Variants in MBTPS2 observed in about 807,000 individuals in gnomAD.
MBTPS2 encodes membrane-bound transcription factor site-2 protease.
In MBTPS2, 2 loss-of-function variants were observed where a neutral mutation model predicts 35.4. The ratio of observed to expected loss-of-function variants is 0.06; its 90% confidence interval spans 0.02 to 0.18. The LOEUF is 0.18. Ranked by LOEUF, MBTPS2 falls within the 10% of genes least tolerant of loss-of-function variation. MBTPS2 has a pLI of 1.00. For synonymous variants in MBTPS2, 125 were observed against 140.4 expected (o/e 0.89, Z 0.77); for missense variants, 244 against 386.5 (o/e 0.63, Z 3.09).
chrX:21,868,325 A>G, intron 5 of MBTPS2, 142 bp from the exon 6 acceptor site: 1 of 552,612 alleles, frequency 1.8e-6, no homozygotes, highest in Non-Finnish European at 3.3e-6. Flanking sequence ...TGTCTGCTCT[A>G]CTAATAAGTA....
intron 5 of MBTPS2, among the ~76,000 whole-genome samples, chrX:21,859,961 G>A (rs1021692885): frequency 3.6e-5 from 4 of 110,313 alleles, no homozygotes; most frequent in African/African-American, 1.3e-4. Flanking sequence ...AGTGTGGGGC[G>A]CACACCTGTG....
At position 21,884,616 on chromosome X, in the gene MBTPS2, A is replaced by G. The variant is rs1335507745; in HGVS notation, c.*1961A>G. On this transcript the variant is annotated 3_prime_UTR_variant, in exon 11 of 11. Transcript: ENST00000379484. Reference sequence around the variant, plus strand: ...GAAAGAGCAGATCAGTACCATTTGTATAAAACCGGCCTCATTATGTAAGAA... The same window carrying G: ...GAAAGAGCAGATCAGTACCATTTGTGTAAAACCGGCCTCATTATGTAAGAA... 1 of 752,696 alleles carries G rather than the reference A, an allele frequency of 1.3e-6. No homozygotes were observed. The highest frequency in any genetic ancestry group is 1.6e-6 in the Non-Finnish European group (1 of 639,085). The allele number at this position is 752,696 out of a possible 1,213,427, so 62.0% of individuals were successfully genotyped here. A position where few individuals can be genotyped will look rare whatever the true frequency, so the allele number is the denominator to read the frequency against.
chrX:21,862,909 A>T (rs768410409), intron 5 of MBTPS2, among the ~76,000 whole-genome samples: 2 of 54,208 alleles, frequency 3.7e-5, no homozygotes, highest in South Asian at 1.3e-3. Context: ...AACATATATA[A>T]ATATATAAAC....
At position 21,885,320 on chromosome X, in the gene MBTPS2, C is replaced by T. The variant is rs1314961164; in HGVS notation, c.*2665C>T. ...GTGTTTTTTTCTATAAATCTTCTGA[C>T]TGTCCTGTAATTCATTCTTAAGCTT... On this transcript the variant is annotated 3_prime_UTR_variant, in exon 11 of 11. Coordinates refer to ENST00000379484, the MANE Select transcript of MBTPS2 (RefSeq NM_015884.4). 1.3e-6 allele frequency: 1 copy of T among 748,486 alleles called. No individual in the cohort carries two copies. The highest frequency in any genetic ancestry group is 1.5e-4 in the East Asian group (1 of 6,602). 61.7% of individuals were successfully genotyped at this position (748,486 alleles called of 1,213,427 possible).
intron 3 of MBTPS2, among the ~76,000 whole-genome samples, chrX:21,850,345 G>A (rs1475368467): frequency 9.0e-6 from 1 of 111,556 alleles, no homozygotes; most frequent in Non-Finnish European, 1.9e-5. Flanking sequence ...TTAAAATTAT[G>A]TGTACAGGAA....
At chrX:21,861,581 T>C (rs1192930028) in intron 5 of MBTPS2, among the ~76,000 whole-genome samples, 1 of 110,724 alleles carries the variant, frequency 9.0e-6, no homozygotes, top group East Asian at 2.8e-4. Context: ...GGCTCACACC[T>C]GTAATCCCAA....
At chrX:21,856,920 A>G (rs781700906) in intron 5 of MBTPS2, 2 of 1,212,086 alleles carry the variant, frequency 1.7e-6, no homozygotes, top group Admixed American at 4.3e-5. Context: ...CAAAAAGCCC[A>G]GCGGCAAGAG....
At chrX:21,857,617 C>T (rs1377100860) in intron 5 of MBTPS2, 2 of 1,183,160 alleles carry the variant, frequency 1.7e-6, no homozygotes, top group African/African-American at 1.8e-5. Flanking sequence ...GGAGAAGACC[C>T]CTCTCAGACT....
At chrX:21,852,742 G>C (rs1043833037) in intron 4 of MBTPS2, among the ~76,000 whole-genome samples, 1 of 109,007 alleles carries the variant, frequency 9.2e-6, no homozygotes, top group Admixed American at 9.8e-5. Context: ...GGGGCTGTTT[G>C]GTTTTATGAG....
chrX:21,860,839 T>A (rs1450480691), intron 5 of MBTPS2, among the ~76,000 whole-genome samples: 1 of 112,173 alleles, frequency 8.9e-6, no homozygotes, highest in East Asian at 2.8e-4. Flanking sequence ...AAATTTTGTT[T>A]TAATTTTGTT....
At chrX:21,847,060 A>T (rs1215240913) in intron 3 of MBTPS2, among the ~76,000 whole-genome samples, 1 of 111,810 alleles carries the variant, frequency 8.9e-6, no homozygotes, top group Non-Finnish European at 1.9e-5. Context: ...GAGAAGGAAA[A>T]GTTTAGGATG....
chrX:21,876,732 C>A (rs765040028), intron 7 of MBTPS2, among the ~76,000 whole-genome samples: 70 of 111,375 alleles, frequency 6.3e-4, no homozygotes, highest in Middle Eastern at 4.6e-3. Flanking sequence ...AGATGTCTTC[C>A]TCAAACAATA....
At chrX:21,868,432 G>C (rs1357685817) in intron 5 of MBTPS2, 35 bp from the exon 6 acceptor site, 8 of 893,149 alleles carry the variant, frequency 9.0e-6, no homozygotes, top group Non-Finnish European at 1.2e-5. Context: ...TCCTGCCCCC[G>C]GTTGAGCTTA....
intron 7 of MBTPS2, among the ~76,000 whole-genome samples, chrX:21,875,711 T>C (rs1264895286): frequency 8.9e-6 from 1 of 112,122 alleles, no homozygotes; most frequent in African/African-American, 3.2e-5. Flanking sequence ...GAGCTCAAAG[T>C]TGAGTCAGAA....
intron 5 of MBTPS2, chrX:21,856,299 C>T (rs1299153027): frequency 4.3e-5 from 16 of 374,586 alleles, no homozygotes; most frequent in Non-Finnish European, 9.1e-6. Flanking sequence ...CTCTGCAGCT[C>T]GCGCCTTTCT....
At position 21,858,888 on chromosome X, in the gene MBTPS2, CAA is replaced by C. The variant is rs5901684; in HGVS notation, c.670+5402_670+5403del. Among the ~76,000 whole-genome samples the C allele has an allele frequency of 4.7e-3, 293 of 61,880 alleles. 2 individuals carry two copies. Among genetic ancestry groups the C allele is most frequent in the Middle Eastern group, 0.018 (2 of 109 alleles). The allele number at this position is 61,880 out of a possible 115,157, so 53.7% of individuals were successfully genotyped here. On this transcript the variant is annotated intron_variant, in intron 5 of 10. Coordinates refer to ENST00000379484, the MANE Select transcript of MBTPS2 (RefSeq NM_015884.4). ...TAGGTGACAGAGTAAGACCTTGTGTCAAAAAAAAAAAAAAAAAAGAGAAAAAG... is the reference window on the plus strand; with the variant it reads ...TAGGTGACAGAGTAAGACCTTGTGTCAAAAAAAAAAAAAAAAGAGAAAAAG...
chrX:21,875,319 G>A (rs896470878), intron 7 of MBTPS2, among the ~76,000 whole-genome samples: 1 of 112,066 alleles, frequency 8.9e-6, no homozygotes, highest in African/African-American at 3.2e-5. Context: ...GGGACAAAAT[G>A]GAAGATCTGT....
Position 21,843,458 on chromosome X carries a change from T to C in MBTPS2, c.224+140T>C, listed in dbSNP as rs189485847. On this transcript the variant is annotated intron_variant, in intron 2 of 10. Coordinates refer to ENST00000379484, the MANE Select transcript of MBTPS2 (RefSeq NM_015884.4). ...ACAATATTAAAACTTTCTGGTTTTA[T>C]ATAACCTTATGGGATTGTATCATTG... is the stretch of plus-strand genomic sequence containing the variant. The C allele has an allele frequency of 1.1e-4, 68 of 624,025 alleles. 1 individual carries two copies. In the Admixed American group the frequency reaches 1.8e-3, roughly 16 times the overall value. The allele number at this position is 624,025 out of a possible 1,213,427, so 51.4% of individuals were successfully genotyped here.
At chrX:21,839,999 G>A (rs371661371) in intron 1 of MBTPS2, among the ~76,000 whole-genome samples, 190 bp downstream of exon 1, 1 of 112,010 alleles carries the variant, frequency 8.9e-6, no homozygotes, top group African/African-American at 3.2e-5. Flanking sequence ...GGCCTGCGCG[G>A]CTGCCACTGT....
Sources: allele counts gnomAD v4.1 joint callset (sites outside exome capture counted in the v4.1 genomes callset), GRCh38; gene constraint gnomAD v4.1.1; transcripts MANE v1.5; gene names NCBI Gene and HGNC (gene_info 2026-07-23, HGNC 2026-07-21).